The following SIK2 variants were observed in gnomAD, a reference collection of about 807,000 sequenced individuals.
SIK2 encodes the protein serine/threonine-protein kinase SIK2.
SIK2 carries 29 observed loss-of-function variants against 103.2 expected under a neutral mutation model. The observed-to-expected ratio is 0.28, with a 90% CI of 0.21 to 0.38. The LOEUF (loss-of-function observed/expected upper bound fraction) is 0.38, where lower values mean the gene tolerates loss of function less well. Among genes scored for constraint, SIK2 ranks in the 10% least tolerant of loss-of-function variants. The pLI is 1.00. For synonymous variants in SIK2, 412 were observed against 446.1 expected, an observed-to-expected ratio of 0.92 and a Z score of 0.96; for missense variants, 879 against 1,171.0, an observed-to-expected ratio of 0.75 and a Z score of 3.64.
Position 111,602,501 on chromosome 11 carries a change from C to G in SIK2, c.-63C>G. 1.4e-6 allele frequency: 2 copies of G among 1,401,738 alleles called. No homozygotes were observed. The highest frequency in any genetic ancestry group is 1.9e-6 in the Non-Finnish European group (2 of 1,079,542). The allele number at this position is 1,401,738 out of a possible 1,614,324, so 86.8% of individuals were successfully genotyped here. ...GGAGCGGCCGTCGCCCAAGCCAAGC[C>G]GCGCTGCCAACCCTCCCGCCCGCCC... On this transcript the variant is annotated 5_prime_UTR_variant, in exon 1 of 15. Transcript: ENST00000304987. This position sits in a 1 kb window ranked among gnomAD's most constrained non-coding sequence, Gnocchi z 4.5.
intron 3 of SIK2, among the ~76,000 whole-genome samples, chr11:111,642,162 A>G (rs1247190919): frequency 6.6e-6 from 1 of 152,140 alleles, no homozygotes; most frequent in African/African-American, 2.4e-5. Flanking sequence ...CTCCACACCA[A>G]CCAATTTTCC....
rs1019421850 is a variant in SIK2 at position 111,728,459 on chromosome 11, G to C, written c.*4330G>C. 1.3e-5 allele frequency: 2 copies of C among 151,972 alleles called. No homozygotes were observed. Among genetic ancestry groups the C allele is most frequent in the African/African-American group, 4.8e-5 (2 of 41,356 alleles). The allele number at this position is 151,972 out of a possible 1,614,324, so 9.4% of individuals were successfully genotyped here. On this transcript the variant is annotated 3_prime_UTR_variant, in exon 15 of 15. Coordinates refer to ENST00000304987, the MANE Select transcript of SIK2 (RefSeq NM_015191.3). ...GTGTGCTACCGCATCCAGCTAGTTT[G>C]TATATTTTTAGTAGAGATGGGGTTT...
At chr11:111,672,319 G>T in intron 3 of SIK2, 1 of 426,654 alleles carries the variant, frequency 2.3e-6, no homozygotes, top group Non-Finnish European at 4.2e-6. Context: ...GCAGGCACCA[G>T]GCCTGCTCGT....
chr11:111,633,441 T>C (rs1294196225), intron 3 of SIK2, among the ~76,000 whole-genome samples: 1 of 152,200 alleles, frequency 6.6e-6, no homozygotes, highest in Non-Finnish European at 1.5e-5. Context: ...ATAGTCTGTT[T>C]TGGCCTTGTA....
intron 3 of SIK2, among the ~76,000 whole-genome samples, chr11:111,658,664 C>T (rs1347510047): frequency 2.0e-5 from 3 of 151,972 alleles, no homozygotes; most frequent in African/African-American, 7.3e-5. Context: ...ATCACCTGAG[C>T]CCGGTGATCA....
Position 111,602,625 on chromosome 11 carries a change from A to G in SIK2, c.62A>G (p.Asp21Gly). 6.5e-7 allele frequency: 1 copy of G among 1,534,600 alleles called. No homozygotes were observed. The highest frequency in any genetic ancestry group is 8.8e-7 in the Non-Finnish European group (1 of 1,139,936). Reference protein sequence around the residue: ...QRGPVRVGFYDIEGTLGKGNF... With the variant: ...QRGPVRVGFYGIEGTLGKGNF... ...GGGCCGGTCCGGGTGGGGTTCTACGACATCGAGGGCACGCTGGGCAAGGGC... is the reference window on the plus strand; with the variant it reads ...GGGCCGGTCCGGGTGGGGTTCTACGGCATCGAGGGCACGCTGGGCAAGGGC... Residue 21 changes from aspartate to glycine, a missense_variant, in exon 1 of 15, where the codon GAC becomes GGC. Asp to Gly is a moderately conservative substitution (Grantham distance 94). Transcript: ENST00000304987. This position sits in a 1 kb window ranked among gnomAD's most constrained non-coding sequence, Gnocchi z 4.5.
At chr11:111,623,410 A>G (rs1591591995) in intron 3 of SIK2, among the ~76,000 whole-genome samples, 1 of 152,186 alleles carries the variant, frequency 6.6e-6, no homozygotes, top group Admixed American at 6.5e-5. Flanking sequence ...CTATTTCATT[A>G]CATGTCTGGT....
In SIK2 at chr11:111,704,941, T is replaced by C. The variant is rs944011137; in HGVS notation, c.949-46T>C. 3 of 1,511,190 alleles carry C rather than the reference T, an allele frequency of 2.0e-6. No homozygotes were observed. The African/African-American group carries it at 4.5e-5, about 23-fold the overall frequency. The allele number at this position is 1,511,190 out of a possible 1,614,324, so 93.6% of individuals were successfully genotyped here. A position where few individuals can be genotyped will look rare whatever the true frequency, so the allele number is the denominator to read the frequency against. On this transcript the variant is annotated intron_variant, in intron 7 of 14. Coordinates refer to ENST00000304987, the MANE Select transcript of SIK2 (RefSeq NM_015191.3). ...TTTTAGGCATGTGTAGATCATTGCA[T>C]TGGTCTTTACAGTTCTTTGCCTTTA...
At chr11:111,690,577 A>G (rs202013197) in intron 4 of SIK2, among the ~76,000 whole-genome samples, 1 of 151,848 alleles carries the variant, frequency 6.6e-6, no homozygotes, top group East Asian at 1.9e-4. Context: ...CCCTGCATGG[A>G]TTAGGTATTT....
intron 3 of SIK2, among the ~76,000 whole-genome samples, chr11:111,672,926 T>C (rs778411303): frequency 1.3e-5 from 2 of 152,246 alleles, no homozygotes; most frequent in Non-Finnish European, 2.9e-5. Flanking sequence ...TTGAGTACTA[T>C]ATTTTAAACT....
At chr11:111,623,010 T>G (rs992562579) in intron 3 of SIK2, among the ~76,000 whole-genome samples, 1 of 152,230 alleles carries the variant, frequency 6.6e-6, no homozygotes, top group Non-Finnish European at 1.5e-5. Flanking sequence ...CCACCCCCTC[T>G]CTTCTCCTTC....
rs1272299613 is a variant in SIK2, at chr11:111,701,283, C to T, written c.604-169C>T. On this transcript the variant is annotated intron_variant, in intron 5 of 14. Coordinates refer to ENST00000304987, the MANE Select transcript of SIK2 (RefSeq NM_015191.3). The surrounding 1 kb of genome is among the most constrained non-coding windows in gnomAD (Gnocchi z 4.2). Reference sequence around the variant, plus strand: ...ATTCTTTGGTATTTATTATAAGATACTTATTGTAGTAGTCAGGGTTTTGGA... The same window carrying T: ...ATTCTTTGGTATTTATTATAAGATATTTATTGTAGTAGTCAGGGTTTTGGA... Among the ~76,000 whole-genome samples the T allele has an allele frequency of 3.3e-5, 5 of 151,992 alleles. No homozygotes were observed. In the East Asian group the frequency reaches 9.6e-4, roughly 29 times the overall value.
intron 4 of SIK2, among the ~76,000 whole-genome samples, chr11:111,697,082 T>A (rs1387454699): frequency 6.6e-6 from 1 of 152,168 alleles, no homozygotes; most frequent in Admixed American, 6.5e-5. Context: ...GTGAGAGACA[T>A]AAAGGTGGTG....
At chr11:111,706,908 C>T (rs1233098622) in intron 8 of SIK2, among the ~76,000 whole-genome samples, 9 of 146,850 alleles carry the variant, frequency 6.1e-5, no homozygotes, top group African/African-American at 2.3e-4. Flanking sequence ...TGAAGTGAGC[C>T]GAGATCCCGC....
intron 1 of SIK2, among the ~76,000 whole-genome samples, chr11:111,604,796 CAT>C (rs902431112): frequency 3.3e-5 from 5 of 152,056 alleles, no homozygotes; most frequent in Non-Finnish European, 7.4e-5. Flanking sequence ...CTGTTATTAA[CAT>C]ATAAAAAGAA....
rs768378143 is a variant in SIK2 at position 111,726,974 on chromosome 11, G to T, written c.*2845G>T. The T allele has an allele frequency of 6.8e-6, 11 of 1,613,784 alleles. No homozygotes were observed. Among genetic ancestry groups the T allele is most frequent in the Non-Finnish European group, 9.3e-6 (11 of 1,179,658 alleles). On this transcript the variant is annotated 3_prime_UTR_variant, in exon 15 of 15. Transcript: ENST00000304987. ...TTTTAAATCTGGGGTATTAGTCTGT[G>T]CTTTGGGAGAAATGCACTAGCTCTG...
Position 111,719,840 on chromosome 11 carries a change from C to T in SIK2, c.1332C>T (p.Pro444=). The T allele has an allele frequency of 6.2e-7, 1 of 1,614,058 alleles. No individual in the cohort carries two copies. Among genetic ancestry groups the T allele is most frequent in the Non-Finnish European group, 8.5e-7 (1 of 1,180,032 alleles). Residue 444 remains proline, a synonymous_variant, in exon 10 of 15, where the codon CCC becomes CCT. Transcript: ENST00000304987. ...TGCGGAAGGGATGCCAGTCACTGCC[C>T]AGCAACATGATGGAGACCTCCATTG... is the stretch of plus-strand genomic sequence containing the variant. ...VLVRKGCQSL[P]SNMMETSIDE...
chr11:111,602,487 C>A lies in SIK2; in HGVS notation c.-77C>A. ...GCGAAGGAGCAAGCGGAGCGGCCGT[C>A]GCCCAAGCCAAGCCGCGCTGCCAAC... On this transcript the variant is annotated 5_prime_UTR_variant, in exon 1 of 15. Transcript: ENST00000304987. This position sits in a 1 kb window ranked among gnomAD's most constrained non-coding sequence, Gnocchi z 4.5. 1 of 1,372,614 alleles carries A rather than the reference C, an allele frequency of 7.3e-7. No individual in the cohort carries two copies. Among genetic ancestry groups the A allele is most frequent in the East Asian group, 3.1e-5 (1 of 32,500 alleles). The allele number at this position is 1,372,614 out of a possible 1,614,324, so 85.0% of individuals were successfully genotyped here. A position where few individuals can be genotyped will look rare whatever the true frequency, so the allele number is the denominator to read the frequency against.
intron 1 of SIK2, among the ~76,000 whole-genome samples, chr11:111,606,642 G>A (rs1027232079): frequency 1.3e-5 from 2 of 152,106 alleles, no homozygotes; most frequent in East Asian, 1.9e-4. Flanking sequence ...TAAATAATAC[G>A]CAGTGAATAT....
Sources: gnomAD v4.1 joint callset for allele counts (sites outside exome capture counted in the v4.1 genomes callset) on GRCh38, gnomAD v4.1.1 for gene constraint, Gnocchi (gnomAD v3.1) non-coding constraint, MANE v1.5 for transcripts, NCBI Gene and HGNC (gene_info 2026-07-23, HGNC 2026-07-21) for gene names.